REL: variants seen among roughly 807,000 people sequenced by gnomAD.
REL encodes the protein proto-oncogene c-Rel.
Under a neutral mutation model 45.9 loss-of-function variants are expected in REL, and 15 were observed. The observed-to-expected ratio is 0.33, with a 90% CI of 0.22 to 0.50. REL has a LOEUF of 0.50. Ranked by LOEUF, REL falls within the 20% of genes least tolerant of loss-of-function variation. REL has a pLI of 0.98. For missense variants in REL, 601 were observed against 715.2 expected (o/e 0.84, Z 1.82); for synonymous variants, 239 against 242.1 (o/e 0.99, Z 0.12).
At chr2:60,907,781 C>T (rs2103961135) in intron 4 of REL, among the ~76,000 whole-genome samples, 1 of 150,838 alleles carries the variant, frequency 6.6e-6, no homozygotes, top group Middle Eastern at 3.4e-3. Context: ...AGCTCTGTCT[C>T]CCAGGTTCAC....
intron 3 of REL, chr2:60,899,291 G>C (rs2103943138): frequency 6.6e-6 from 1 of 152,280 alleles, no homozygotes; most frequent in South Asian, 2.1e-4. Flanking sequence ...CTTAAGACCA[G>C]CCTGGGCAAC....
intron 4 of REL, among the ~76,000 whole-genome samples, chr2:60,912,716 A>C (rs1002406345): frequency 6.6e-6 from 1 of 152,130 alleles, no homozygotes; most frequent in Non-Finnish European, 1.5e-5. Flanking sequence ...TTAAATCTAC[A>C]TATTCACCCA....
Position 60,926,779 on chromosome 2 carries a change from CAT to C in REL, c.*4245_*4246del, listed in dbSNP as rs1674278796. The C allele has an allele frequency of 8.8e-6, 2 of 227,974 alleles. No individual in the cohort carries two copies. Among genetic ancestry groups the C allele is most frequent in the Non-Finnish European group, 8.7e-6 (1 of 114,712 alleles). 14.1% of individuals were successfully genotyped at this position (227,974 alleles called of 1,614,324 possible). On this transcript the variant is annotated 3_prime_UTR_variant, in exon 10 of 10. Transcript: ENST00000394479. ...TTTCTCCATCACACTCATACTTAAT[CAT>C]CAAGTCCTTTTGAGCTTGTCTCCTC...
chr2:60,900,686 G>A, intron 3 of REL: 1 of 249,906 alleles, frequency 4.0e-6, no homozygotes. Flanking sequence ...ACTATGCCTG[G>A]CTAATTTTGT....
rs1674199348 is a variant in REL at position 60,923,500 on chromosome 2, C to CA, written c.*966dup. 1 of 232,514 alleles carries CA rather than the reference C, an allele frequency of 4.3e-6. No homozygotes were observed. The highest frequency in any genetic ancestry group is 6.1e-5 in the East Asian group (1 of 16,518). The allele number at this position is 232,514 out of a possible 1,614,324, so 14.4% of individuals were successfully genotyped here. ...TATCTAGAAATCTAATTAAAGCTCA[C>CA]ACTCAGCATATCCAAAACTGAATTC... On this transcript the variant is annotated 3_prime_UTR_variant, in exon 10 of 10. Coordinates refer to ENST00000394479, the MANE Select transcript of REL (RefSeq NM_001291746.2).
intron 1 of REL, among the ~76,000 whole-genome samples, chr2:60,889,458 T>G (rs185755577): frequency 1.3e-5 from 2 of 152,346 alleles, no homozygotes; most frequent in African/African-American, 4.8e-5. Context: ...AGACACCATT[T>G]TTTTTTATTT....
chr2:60,905,250 G>A (rs1360857466), intron 4 of REL, among the ~76,000 whole-genome samples: 3 of 151,820 alleles, frequency 2.0e-5, no homozygotes, highest in East Asian at 1.9e-4. Flanking sequence ...ACCCGCCACC[G>A]CACCCGGCTA....
chr2:60,913,414 G>A (rs1463229177), intron 4 of REL, among the ~76,000 whole-genome samples: 1 of 152,088 alleles, frequency 6.6e-6, no homozygotes, highest in African/African-American at 2.4e-5. Context: ...TAGTGGCCGG[G>A]TACACTAGCA....
rs533328822 is a variant in REL, at chr2:60,901,408, C to T, written c.394+325C>T. ...AACTCCTGACATCAGGTGATCTACC[C>T]GCTTTGGCATCCCAAAGTGCTGGGA... is the stretch of plus-strand genomic sequence containing the variant. On this transcript the variant is annotated intron_variant, in intron 4 of 9. Coordinates refer to ENST00000394479, the MANE Select transcript of REL (RefSeq NM_001291746.2). Among the ~76,000 whole-genome samples, 9 of 152,094 alleles carry T rather than the reference C, an allele frequency of 5.9e-5. No homozygotes were observed. The East Asian group carries it at 7.7e-4, about 13-fold the overall frequency.
Position 60,922,638 on chromosome 2 carries a change from A to G in REL, c.*103A>G, listed in dbSNP as rs1674176396. 2 of 1,376,632 alleles carry G rather than the reference A, an allele frequency of 1.5e-6. No homozygotes were observed. The highest frequency in any genetic ancestry group is 1.9e-6 in the Non-Finnish European group (2 of 1,059,324). The allele number at this position is 1,376,632 out of a possible 1,614,324, so 85.3% of individuals were successfully genotyped here. ...ATAATACTATATTTATACTGTATAT[A>G]TAATACTGACTGAGAATATAATACT... On this transcript the variant is annotated 3_prime_UTR_variant, in exon 10 of 10. Coordinates refer to ENST00000394479, the MANE Select transcript of REL (RefSeq NM_001291746.2).
At position 60,923,404 on chromosome 2, in the gene REL, C is replaced by G. The variant is rs983906920; in HGVS notation, c.*869C>G. 4.3e-6 allele frequency: 1 copy of G among 231,456 alleles called. No individual in the cohort carries two copies. The highest frequency in any genetic ancestry group is 2.2e-5 in the African/African-American group (1 of 45,216). The allele number at this position is 231,456 out of a possible 1,614,324, so 14.3% of individuals were successfully genotyped here. A position where few individuals can be genotyped will look rare whatever the true frequency, so the allele number is the denominator to read the frequency against. On this transcript the variant is annotated 3_prime_UTR_variant, in exon 10 of 10. Coordinates refer to ENST00000394479, the MANE Select transcript of REL (RefSeq NM_001291746.2). ...CTCATTTTTTAAGGGGAAGAAGTTTCCTTGGACCATTCGCCTTTCTTAGAT... is the reference window on the plus strand; with the variant it reads ...CTCATTTTTTAAGGGGAAGAAGTTTGCTTGGACCATTCGCCTTTCTTAGAT...
Position 60,901,019 on chromosome 2 carries a change from G to A in REL, c.330G>A (p.Val110=). Residue 110 remains valine (V), a synonymous_variant, in exon 4 of 10, where the codon GTG becomes GTA. Transcript: ENST00000394479. ...TCCAAAATTTGGGTATTCGATGTGTGAAGAAAAAAGAAGTAAAAGAAGCTA... is the reference window on the plus strand; with the variant it reads ...TCCAAAATTTGGGTATTCGATGTGTAAAGAAAAAAGAAGTAAAAGAAGCTA... ...LFFQNLGIRC[V]KKKEVKEAII... 3.1e-6 allele frequency: 5 copies of A among 1,609,194 alleles called. No homozygotes were observed. The highest frequency in any genetic ancestry group is 1.1e-5 in the South Asian group (1 of 89,866).
intron 8 of REL, 95 bp from the exon 9 acceptor site, chr2:60,920,479 G>A (rs1674110178): frequency 5.4e-6 from 5 of 924,074 alleles, no homozygotes; most frequent in Non-Finnish European, 8.9e-6. Context: ...GGGATTACAG[G>A]TGGGAGCCAC....
At chr2:60,897,153 T>G (rs1673371274) in intron 3 of REL, among the ~76,000 whole-genome samples, 1 of 152,188 alleles carries the variant, frequency 6.6e-6, no homozygotes, top group Admixed American at 6.5e-5. Flanking sequence ...TATTCTGTTA[T>G]TCTTTTGATT....
Position 60,929,291 on chromosome 2 carries a change from T to TA in REL, c.*6757dup, listed in dbSNP as rs1461691207. The TA allele has an allele frequency of 6.9e-6, 1 of 145,836 alleles. No homozygotes were observed. The highest frequency in any genetic ancestry group is 1.9e-4 in the East Asian group (1 of 5,150). The allele number at this position is 145,836 out of a possible 1,614,324, so 9.0% of individuals were successfully genotyped here. A position where few individuals can be genotyped will look rare whatever the true frequency, so the allele number is the denominator to read the frequency against. ...TTCCTCAGGGATGTAGAACTGGAAA[T>TA]ACCGTTTGACCCAGCCATCCCATTA... On this transcript the variant is annotated 3_prime_UTR_variant, in exon 10 of 10. Transcript: ENST00000394479.
chr2:60,895,695 A>G (rs1391135951), intron 3 of REL, among the ~76,000 whole-genome samples: 1 of 152,244 alleles, frequency 6.6e-6, no homozygotes, highest in Non-Finnish European at 1.5e-5. Context: ...CTGGTAGGCA[A>G]TTTAACTACA....
intron 3 of REL, among the ~76,000 whole-genome samples, chr2:60,896,760 A>G (rs1673361718): frequency 6.6e-6 from 1 of 152,114 alleles, no homozygotes; most frequent in South Asian, 2.1e-4. Flanking sequence ...CTTCCATTTT[A>G]CTTCCTGCTT....
intron 4 of REL, among the ~76,000 whole-genome samples, chr2:60,901,442 G>A (rs1200369400): frequency 3.9e-5 from 6 of 152,098 alleles, no homozygotes; most frequent in Non-Finnish European, 5.9e-5. Context: ...GATTACAGGC[G>A]TGAGCCATTG....
chr2:60,917,707 TGTGTGTGTAC>T (rs1245871516), intron 5 of REL, among the ~76,000 whole-genome samples: 52 of 150,376 alleles, frequency 3.5e-4, no homozygotes, highest in African/African-American at 1.2e-3. Flanking sequence ...TGTGTGTGTG[TGTGTGTGTAC>T]GTGTGTGTGT....
Sources: allele counts gnomAD v4.1 joint callset (sites outside exome capture counted in the v4.1 genomes callset), GRCh38; gene constraint gnomAD v4.1.1; transcripts MANE v1.5; gene names NCBI Gene and HGNC (gene_info 2026-07-23, HGNC 2026-07-21).